EIF2AK2: variants seen among roughly 807,000 people sequenced by gnomAD.
EIF2AK2 encodes the protein interferon-induced, double-stranded RNA-activated protein kinase.
In EIF2AK2, 40 loss-of-function variants were observed where a neutral mutation model predicts 70.5. That is an observed-to-expected ratio of 0.57 (90% CI 0.44 to 0.74). The LOEUF is 0.74. Ranked by LOEUF, EIF2AK2 falls within the 30% of genes least tolerant of loss-of-function variation. The pLI is 0.00. For missense variants in EIF2AK2, 555 were observed against 644.3 expected (o/e 0.86, Z 1.50); for synonymous variants, 198 against 220.9 (o/e 0.90, Z 0.92).
intron 4 of EIF2AK2, among the ~76,000 whole-genome samples, chr2:37,142,581 T>C (rs1244870593): frequency 1.3e-5 from 2 of 152,132 alleles, no homozygotes; most frequent in Non-Finnish European, 2.9e-5. Context: ...TGTTTTTTGT[T>C]TTTTCTAACT....
rs959276819 is a variant in EIF2AK2 at position 37,102,997 on chromosome 2, A to G, written c.*4276T>C. The G allele has an allele frequency of 7.9e-6, 1 of 126,380 alleles. No individual in the cohort carries two copies. Among genetic ancestry groups the G allele is most frequent in the East Asian group, 2.4e-4 (1 of 4,094 alleles). The allele number at this position is 126,380 out of a possible 1,614,324, so 7.8% of individuals were successfully genotyped here. On this transcript the variant is annotated 3_prime_UTR_variant, in exon 17 of 17. Coordinates refer to ENST00000233057, the MANE Select transcript of EIF2AK2 (RefSeq NM_001135651.3). ...GGCAATTATATTAAAATGGCTCTCA[A>G]AATTTCTGTGTGTGTGTGTGTGTGT... is the stretch of plus-strand genomic sequence containing the variant.
chr2:37,122,153 G>A lies in EIF2AK2; in HGVS notation c.1067+353C>T, dbSNP rs542136884. Among the ~76,000 whole-genome samples the A allele has an allele frequency of 1.8e-4, 25 of 138,858 alleles. No individual in the cohort carries two copies. In the South Asian group the frequency reaches 4.5e-3, roughly 25 times the overall value. 91.1% of individuals were successfully genotyped at this position (138,858 alleles called of 152,430 possible). A position where few individuals can be genotyped will look rare whatever the true frequency, so the allele number is the denominator to read the frequency against. ...GCTGAGGAGGGAGCCCCCAGATGCA[G>A]CATCTATATGTTAAAACTCTCTTCA... On this transcript the variant is annotated intron_variant, in intron 12 of 16. Coordinates refer to ENST00000233057, the MANE Select transcript of EIF2AK2 (RefSeq NM_001135651.3).
chr2:37,139,110 G>T (rs1675232364), intron 6 of EIF2AK2, among the ~76,000 whole-genome samples: 1 of 151,880 alleles, frequency 6.6e-6, no homozygotes, highest in Non-Finnish European at 1.5e-5. Context: ...GAGGTCAGGA[G>T]TTCAAGACCA....
intron 1 of EIF2AK2, among the ~76,000 whole-genome samples, chr2:37,152,607 T>C (rs77460329): frequency 0.031 from 4,668 of 152,298 alleles, 114 homozygotes; most frequent in Middle Eastern, 0.061. Flanking sequence ...CACACCTTAA[T>C]CTTTGTAGCT....
In EIF2AK2 at chr2:37,148,910, T is replaced by C; in HGVS notation, c.-70A>G. ...GCAGATAATCACGGAAGTGTGGATGTTGATTCTGAAGACCGCCAGAGAAGC... is the reference window on the plus strand; with the variant it reads ...GCAGATAATCACGGAAGTGTGGATGCTGATTCTGAAGACCGCCAGAGAAGC... On this transcript the variant is annotated 5_prime_UTR_variant, in exon 2 of 17. Transcript: ENST00000233057. 2 of 826,614 alleles carry C rather than the reference T, an allele frequency of 2.4e-6. No homozygotes were observed. The highest frequency in any genetic ancestry group is 4.8e-5 in the East Asian group (2 of 41,416). 51.2% of individuals were successfully genotyped at this position (826,614 alleles called of 1,614,324 possible).
intron 11 of EIF2AK2, 28 bp downstream of exon 11, chr2:37,126,261 C>CA: frequency 6.4e-7 from 1 of 1,554,208 alleles, no homozygotes; most frequent in Non-Finnish European, 8.7e-7. Flanking sequence ...CCTTGCCATT[C>CA]AAAAAAATGT....
chr2:37,114,908 T>C, intron 13 of EIF2AK2, 49 bp from the exon 14 acceptor site: 1 of 1,290,150 alleles, frequency 7.8e-7, no homozygotes. Context: ...AACATACTAT[T>C]ACCACATGTC....
At chr2:37,148,214 G>T (rs940864518) in intron 2 of EIF2AK2, among the ~76,000 whole-genome samples, 4 of 152,082 alleles carry the variant, frequency 2.6e-5, no homozygotes, top group Non-Finnish European at 5.9e-5. Flanking sequence ...AGTGAAAGGG[G>T]GTCCTTCTCT....
At chr2:37,114,941 AT>A in intron 13 of EIF2AK2, 82 bp from the exon 14 acceptor site, 1 of 949,852 alleles carries the variant, frequency 1.1e-6, no homozygotes, top group Non-Finnish European at 1.4e-6. Flanking sequence ...AGAAAAGACT[AT>A]TTTTATATTA....
At chr2:37,118,967 G>A (rs1674439561) in intron 13 of EIF2AK2, among the ~76,000 whole-genome samples, 1 of 152,300 alleles carries the variant, frequency 6.6e-6, no homozygotes, top group Admixed American at 6.5e-5. Context: ...GAGTGATCAG[G>A]AAAGGCTCAG....
intron 10 of EIF2AK2, among the ~76,000 whole-genome samples, chr2:37,127,705 T>C (rs1324034007): frequency 6.6e-6 from 1 of 151,320 alleles, no homozygotes; most frequent in Non-Finnish European, 1.5e-5. Flanking sequence ...TGCCATTGCT[T>C]TCCTTTCACA....
chr2:37,120,720 T>C (rs4648216), intron 12 of EIF2AK2, among the ~76,000 whole-genome samples: 6,054 of 149,514 alleles, frequency 0.04, 450 homozygotes, highest in Non-Finnish European at 0.058. Flanking sequence ...CCTAGCACCT[T>C]GGGAGGCCGA....
At chr2:37,127,559 CT>C (rs966168989) in intron 10 of EIF2AK2, among the ~76,000 whole-genome samples, 1 of 152,070 alleles carries the variant, frequency 6.6e-6, no homozygotes, top group African/African-American at 2.4e-5. Context: ...TTCACATCAC[CT>C]TTTCCATCTT....
At position 37,100,543 on chromosome 2, in the gene EIF2AK2, A is replaced by T. The variant is rs937469615; in HGVS notation, c.*6730T>A. 1 of 152,244 alleles carries T rather than the reference A, an allele frequency of 6.6e-6. No individual in the cohort carries two copies. The highest frequency in any genetic ancestry group is 1.5e-5 in the Non-Finnish European group (1 of 68,044). The allele number at this position is 152,244 out of a possible 1,614,324, so 9.4% of individuals were successfully genotyped here. ...CTAGTTATTTAGAATTTAAGCCAAT[A>T]ATGTCACCATATAACTATCAACTGT... On this transcript the variant is annotated 3_prime_UTR_variant, in exon 17 of 17. Coordinates refer to ENST00000233057, the MANE Select transcript of EIF2AK2 (RefSeq NM_001135651.3).
intron 12 of EIF2AK2, among the ~76,000 whole-genome samples, chr2:37,121,688 T>G (rs1421112340): frequency 1.3e-5 from 2 of 151,858 alleles, no homozygotes; most frequent in Non-Finnish European, 2.9e-5. Flanking sequence ...CAATATTCAT[T>G]TATATTCTTT....
At position 37,145,742 on chromosome 2, in the gene EIF2AK2, C is replaced by CTTTTTTT. The variant is rs56051707; in HGVS notation, c.240+1104_240+1110dup. Reference sequence around the variant, plus strand: ...CTTATATGGGTGTACTTTTGCTTGTCTTTTTTTTTTTTTTTTTTTTTTTTT... The same window carrying CTTTTTTT: ...CTTATATGGGTGTACTTTTGCTTGTCTTTTTTTTTTTTTTTTTTTTTTTTTTTTTTTT... On this transcript the variant is annotated intron_variant, in intron 4 of 16. Coordinates refer to ENST00000233057, the MANE Select transcript of EIF2AK2 (RefSeq NM_001135651.3). Among the ~76,000 whole-genome samples the CTTTTTTT allele has an allele frequency of 4.1e-4, 21 of 51,222 alleles. 2 individuals carry two copies. The highest frequency in any genetic ancestry group is 1.7e-3 in the African/African-American group (21 of 12,386). 33.6% of individuals were successfully genotyped at this position (51,222 alleles called of 152,430 possible). A position where few individuals can be genotyped will look rare whatever the true frequency, so the allele number is the denominator to read the frequency against.
rs878938487 is a variant in EIF2AK2 at position 37,099,881 on chromosome 2, C to A, written c.*7392G>T. Reference sequence around the variant, plus strand: ...AGCTGGGATGCACCTTGAAAATATACTCAGTGAAAAAGACCACATGTATGA... The same window carrying A: ...AGCTGGGATGCACCTTGAAAATATAATCAGTGAAAAAGACCACATGTATGA... On this transcript the variant is annotated 3_prime_UTR_variant, in exon 17 of 17. Transcript: ENST00000233057. The A allele has an allele frequency of 6.6e-6, 1 of 152,092 alleles. No homozygotes were observed. Among genetic ancestry groups the A allele is most frequent in the Non-Finnish European group, 1.5e-5 (1 of 68,002 alleles). 9.4% of individuals were successfully genotyped at this position (152,092 alleles called of 1,614,324 possible).
intron 11 of EIF2AK2, among the ~76,000 whole-genome samples, chr2:37,123,593 T>C (rs556843110): frequency 1.2e-4 from 18 of 152,274 alleles, no homozygotes; most frequent in African/African-American, 3.9e-4. Flanking sequence ...AGCTAAATCA[T>C]ACATTATGTT....
At chr2:37,120,727 C>T (rs866767765) in intron 12 of EIF2AK2, among the ~76,000 whole-genome samples, 1 of 149,310 alleles carries the variant, frequency 6.7e-6, no homozygotes, top group African/African-American at 2.4e-5. Flanking sequence ...CCTTGGGAGG[C>T]CGAGACTGGC....
Sources: allele counts gnomAD v4.1 joint callset (sites outside exome capture counted in the v4.1 genomes callset), GRCh38; gene constraint gnomAD v4.1.1; transcripts MANE v1.5; gene names NCBI Gene and HGNC (gene_info 2026-07-23, HGNC 2026-07-21).